The following ANK3 variants were observed in gnomAD, a reference collection of about 807,000 sequenced individuals.
ANK3 encodes ankyrin-3.
Under a neutral mutation model 370.9 loss-of-function variants are expected in ANK3, and 57 were observed. That is an observed-to-expected ratio of 0.15 (90% CI 0.12 to 0.19). The LOEUF is 0.19. Among genes scored for constraint, ANK3 ranks in the 10% least tolerant of loss-of-function variants. ANK3 has a pLI of 1.00. For synonymous variants in ANK3, 1,929 were observed against 1,946.3 expected (o/e 0.99, Z 0.23); for missense variants, 4,439 against 5,302.1 (o/e 0.84, Z 5.06).
intron 1 of ANK3, among the ~76,000 whole-genome samples, chr10:60,292,811 G>A (rs927391973): frequency 2.0e-5 from 3 of 151,286 alleles, no homozygotes; most frequent in Admixed American, 6.6e-5. Context: ...GGGTTCAAGC[G>A]ATTCTTCTGC....
At chr10:60,330,282 G>A (rs2050908781) in intron 1 of ANK3, among the ~76,000 whole-genome samples, 1 of 152,148 alleles carries the variant, frequency 6.6e-6, no homozygotes, top group Non-Finnish European at 1.5e-5. Context: ...ATAGGCAAAT[G>A]GGATCTAATT....
At chr10:60,515,702 G>A (rs2076200985) in intron 2 of ANK3, among the ~76,000 whole-genome samples, 1 of 152,134 alleles carries the variant, frequency 6.6e-6, no homozygotes, top group Admixed American at 6.6e-5. Context: ...CGTGGTTACA[G>A]CCTTGGGACA....
chr10:60,193,755 TCC>T (rs2096537419), intron 16 of ANK3, among the ~76,000 whole-genome samples: 1 of 152,134 alleles, frequency 6.6e-6, no homozygotes, highest in Non-Finnish European at 1.5e-5. Context: ...TTTATTCTCA[TCC>T]AAGGAAAAAA....
intron 1 of ANK3, among the ~76,000 whole-genome samples, chr10:60,725,487 C>T (rs2079928467): frequency 6.6e-6 from 1 of 152,086 alleles, no homozygotes; most frequent in Non-Finnish European, 1.5e-5. Context: ...GAACAGCAGC[C>T]CCCATCTGTG....
At chr10:60,624,367 T>A (rs1296108696) in intron 1 of ANK3, among the ~76,000 whole-genome samples, 1 of 152,136 alleles carries the variant, frequency 6.6e-6, no homozygotes, top group Non-Finnish European at 1.5e-5. Context: ...TGGTTGGCAC[T>A]ACCCATGTAT....
At chr10:60,218,843 G>T (rs756537415) in intron 8 of ANK3, among the ~76,000 whole-genome samples, 2 of 151,842 alleles carry the variant, frequency 1.3e-5, no homozygotes, top group Non-Finnish European at 2.9e-5. Flanking sequence ...TGCTAGGTCG[G>T]GTAAGTTCTC....
intron 2 of ANK3, among the ~76,000 whole-genome samples, chr10:60,551,473 A>C (rs1245743453): frequency 2.0e-5 from 3 of 152,208 alleles, no homozygotes; most frequent in Non-Finnish European, 4.4e-5. Flanking sequence ...AAAAATTTAA[A>C]AGAAGATATG....
At chr10:60,178,617 G>A (rs1565493792) in intron 18 of ANK3, among the ~76,000 whole-genome samples, 1 of 149,486 alleles carries the variant, frequency 6.7e-6, no homozygotes, top group Non-Finnish European at 1.5e-5. Flanking sequence ...ATATCTCCCA[G>A]GTAAGAATTT....
At chr10:60,414,899 G>A (rs1284474219) in intron 2 of ANK3, among the ~76,000 whole-genome samples, 2 of 152,142 alleles carry the variant, frequency 1.3e-5, no homozygotes, top group Admixed American at 6.5e-5. Context: ...GATTAGAGAG[G>A]AATCATTTGG....
rs2083395757 is a variant in ANK3 at position 60,074,630 on chromosome 10, G to C, written c.6251C>G (p.Ala2084Gly). ...CTCAGAGGTGGAAGTCCTCATGGAG[G>C]CTGGAGGCATTTTGAGTTTGTGTTC... The part of the protein sequence containing the change: ...LQEHKLKMPP[A>G]SMRTSTSEKE... The change falls in exon 37 of 44, where the codon GCC becomes GGC. Residue 2084 changes from alanine to glycine, a missense_variant. Ala to Gly is a moderately conservative substitution (Grantham distance 60). Around this residue, in one of 13 missense-constraint regions of ANK3, gnomAD observed 679 missense variants for 791.0 expected, o/e 0.86. Transcript: ENST00000280772. 5.0e-6 allele frequency: 8 copies of C among 1,614,044 alleles called. No homozygotes were observed. The highest frequency in any genetic ancestry group is 5.1e-6 in the Non-Finnish European group (6 of 1,180,004).
At chr10:60,559,558 T>C (rs2077288028) in intron 2 of ANK3, among the ~76,000 whole-genome samples, 1 of 152,202 alleles carries the variant, frequency 6.6e-6, no homozygotes, top group Non-Finnish European at 1.5e-5. Flanking sequence ...ATCCCTATTT[T>C]ACAGAAACAA....
chr10:60,462,283 A>G (rs187859126), intron 2 of ANK3, among the ~76,000 whole-genome samples: 6 of 152,176 alleles, frequency 3.9e-5, no homozygotes, highest in African/African-American at 1.2e-4. Context: ...TTCTTACAGG[A>G]TAGTCTCTGT....
intron 28 of ANK3, among the ~76,000 whole-genome samples, chr10:60,105,668 T>C (rs753627998): frequency 1.1e-4 from 16 of 152,240 alleles, no homozygotes; most frequent in Non-Finnish European, 2.2e-4. Context: ...GATTGATGTA[T>C]GTGATTAAAG....
At chr10:60,207,110 A>T (rs1432699502) in intron 10 of ANK3, among the ~76,000 whole-genome samples, 1 of 152,220 alleles carries the variant, frequency 6.6e-6, no homozygotes, top group Non-Finnish European at 1.5e-5. Flanking sequence ...GTGGGTCAAC[A>T]GACTGATCTT....
intron 1 of ANK3, among the ~76,000 whole-genome samples, chr10:60,698,015 G>A (rs1265154848): frequency 6.6e-6 from 1 of 152,012 alleles, no homozygotes; most frequent in Non-Finnish European, 1.5e-5. Flanking sequence ...TCTGACAAAA[G>A]GCTAATATCC....
chr10:60,611,891 A>G (rs2165691), intron 2 of ANK3, among the ~76,000 whole-genome samples: 105,472 of 150,482 alleles, frequency 0.7, 37,148 homozygotes, highest in South Asian at 0.88. Flanking sequence ...AGCAGTGGAG[A>G]AGTGGGGCGA....
At chr10:60,642,809 T>C (rs2078654760) in intron 1 of ANK3, among the ~76,000 whole-genome samples, 2 of 151,882 alleles carry the variant, frequency 1.3e-5, no homozygotes, top group African/African-American at 2.4e-5. Context: ...AGGCATTTTA[T>C]AATAAGGAGT....
intron 1 of ANK3, among the ~76,000 whole-genome samples, chr10:60,695,210 A>G (rs1374419120): frequency 6.6e-6 from 1 of 152,158 alleles, no homozygotes; most frequent in Non-Finnish European, 1.5e-5. Flanking sequence ...ACTATCCTAA[A>G]TATATATGCA....
chr10:60,562,513 C>G (rs1206081745), intron 2 of ANK3, among the ~76,000 whole-genome samples: 1 of 151,986 alleles, frequency 6.6e-6, no homozygotes, highest in African/African-American at 2.4e-5. Flanking sequence ...TTCCAGGTTC[C>G]AGCGATTCTC....
Sources: gnomAD v4.1 joint callset for allele counts (sites outside exome capture counted in the v4.1 genomes callset) on GRCh38, gnomAD v4.1.1 for gene constraint, gnomAD v4.1.1 regional missense constraint, MANE v1.5 for transcripts, NCBI Gene and HGNC (gene_info 2026-07-23, HGNC 2026-07-21) for gene names.